Variants in LOC400499 observed in about 807,000 individuals in gnomAD.
chr16:11,495,209 CAAAA>C, the LOC400499 span, among the ~76,000 whole-genome samples: 1 of 141,346 alleles, frequency 7.1e-6, no homozygotes, highest in Admixed American at 7.0e-5. Context: ...ACTCTGTCTC[CAAAA>C]AAAAAAAAAA....
the LOC400499 span, among the ~76,000 whole-genome samples, chr16:11,423,456 G>A: frequency 6.6e-6 from 1 of 152,254 alleles, no homozygotes; most frequent in East Asian, 1.9e-4. Flanking sequence ...GGAGCTCCCA[G>A]CATGCAGGGC....
the LOC400499 span, among the ~76,000 whole-genome samples, chr16:11,457,594 A>G: frequency 1.3e-5 from 2 of 149,944 alleles, no homozygotes; most frequent in Admixed American, 1.3e-4. Flanking sequence ...TCCATCTCAA[A>G]AAAAAAAAAA....
chr16:11,393,044 T>A, the LOC400499 span, among the ~76,000 whole-genome samples: 2 of 151,982 alleles, frequency 1.3e-5, no homozygotes, highest in African/African-American at 2.4e-5. Flanking sequence ...TTAGTAGAGA[T>A]GGGGTTTCAC....
the LOC400499 span, among the ~76,000 whole-genome samples, chr16:11,445,854 G>A: frequency 3.4e-5 from 5 of 148,424 alleles, no homozygotes; most frequent in Non-Finnish European, 5.9e-5. Context: ...TTTTTCCTGA[G>A]GCAGTGTCTT....
At chr16:11,428,785 G>A in the LOC400499 span, among the ~76,000 whole-genome samples, 2 of 152,086 alleles carry the variant, frequency 1.3e-5, no homozygotes, top group Non-Finnish European at 2.9e-5. Context: ...GAGTTGCTCT[G>A]GTTTACACAC....
chr16:11,444,798 G>T, the LOC400499 span, among the ~76,000 whole-genome samples: 2 of 152,100 alleles, frequency 1.3e-5, no homozygotes, highest in Non-Finnish European at 2.9e-5. Context: ...AAATAGAACT[G>T]GGGCCAGGTA....
chr16:11,517,323 C>T, the LOC400499 span, among the ~76,000 whole-genome samples: 1 of 152,200 alleles, frequency 6.6e-6, no homozygotes, highest in Admixed American at 6.5e-5. Flanking sequence ...TTCACTCTTT[C>T]ATTCCACGAT....
the LOC400499 span, among the ~76,000 whole-genome samples, chr16:11,490,902 A>G: frequency 2.0e-5 from 3 of 152,312 alleles, no homozygotes; most frequent in Admixed American, 6.5e-5. Context: ...CTAATTTTCC[A>G]TTTGTCCCTT....
chr16:11,514,243 G>A, the LOC400499 span: 1 of 398,130 alleles, frequency 2.5e-6, no homozygotes, highest in East Asian at 3.6e-5. Context: ...TTCAGCAATA[G>A]GTCAGAGGTG....
At chr16:11,513,120 G>T in the LOC400499 span, among the ~76,000 whole-genome samples, 1 of 152,106 alleles carries the variant, frequency 6.6e-6, no homozygotes, top group Non-Finnish European at 1.5e-5. Context: ...AATCGGCGGG[G>T]TTCAACAGTT....
chr16:11,372,356 T>C, the LOC400499 span: 2 of 152,312 alleles, frequency 1.3e-5, no homozygotes, highest in African/African-American at 4.8e-5. Context: ...GTCAGCGTTC[T>C]GAAGCAGTGG....
chr16:11,460,161 A>G, the LOC400499 span: 1 of 1,003,358 alleles, frequency 1.0e-6, no homozygotes, highest in Non-Finnish European at 1.3e-6. Flanking sequence ...TTTTCAGAAG[A>G]GACGGTTCTG....
chr16:11,429,125 T>C, the LOC400499 span, among the ~76,000 whole-genome samples: 3 of 152,274 alleles, frequency 2.0e-5, no homozygotes, highest in African/African-American at 2.4e-5. Context: ...TCATGTTGAA[T>C]TGTAATCCCC....
chr16:11,459,337 C>T, the LOC400499 span, among the ~76,000 whole-genome samples: 15 of 151,738 alleles, frequency 9.9e-5, no homozygotes, highest in South Asian at 3.1e-3. Context: ...GCTGGGGCTA[C>T]AGGCACCTGC....
At chr16:11,447,059 C>T in the LOC400499 span, 2 of 957,544 alleles carry the variant, frequency 2.1e-6, no homozygotes, top group African/African-American at 3.3e-5. Flanking sequence ...GGACACCTGG[C>T]AGCCCTATGC....
the LOC400499 span, among the ~76,000 whole-genome samples, chr16:11,508,040 A>T: frequency 1.3e-5 from 2 of 152,184 alleles, no homozygotes; most frequent in African/African-American, 4.8e-5. Context: ...ATCTTTGCAG[A>T]TGTAATTAAG....
At chr16:11,458,333 G>A in the LOC400499 span, among the ~76,000 whole-genome samples, 4 of 152,014 alleles carry the variant, frequency 2.6e-5, no homozygotes, top group Non-Finnish European at 4.4e-5. Context: ...GCAACAGGCT[G>A]AGACTCCATC....
chr16:11,396,121 A>G, the LOC400499 span, among the ~76,000 whole-genome samples: 1 of 152,230 alleles, frequency 6.6e-6, no homozygotes, highest in East Asian at 1.9e-4. Context: ...GACTATATTT[A>G]ACCCTTGCAA....
the LOC400499 span, among the ~76,000 whole-genome samples, chr16:11,432,382 T>C: frequency 6.6e-6 from 1 of 152,218 alleles, no homozygotes; most frequent in African/African-American, 2.4e-5. Context: ...CTGTGCACTT[T>C]AGACACATTG....
Sources: allele counts gnomAD v4.1 joint callset (sites outside exome capture counted in the v4.1 genomes callset), GRCh38; gene constraint gnomAD v4.1.1; transcripts MANE v1.5.